The following MMP21 variants were observed in gnomAD, a reference collection of about 807,000 sequenced individuals.
MMP21 encodes matrix metallopeptidase 21.
MMP21 carries 40 observed loss-of-function variants against 47.8 expected under a neutral mutation model. The observed-to-expected ratio is 0.84, with a 90% CI of 0.65 to 1.09. The LOEUF (loss-of-function observed/expected upper bound fraction) is 1.09. Among genes scored for constraint, MMP21 ranks in the 50% least tolerant of loss-of-function variants. The probability of loss-of-function intolerance (pLI) is 0.00; values close to 1 mark genes in which losing one functional copy is unlikely to be tolerated. For missense variants in MMP21, 747 were observed against 775.3 expected (o/e 0.96, Z 0.43); for synonymous variants, 341 against 318.0 (o/e 1.07, Z -0.77).
rs991866203 is a variant in MMP21 at position 125,770,468 on chromosome 10, T to C, written c.1103A>G (p.Glu368Gly). 8 of 1,614,192 alleles carry C rather than the reference T, an allele frequency of 5.0e-6. No individual in the cohort carries two copies. The highest frequency in any genetic ancestry group is 6.8e-6 in the Non-Finnish European group (8 of 1,180,042). The change falls in exon 5 of 7, where the codon GAA becomes GGA. Residue 368 changes from glutamate to glycine, a missense_variant. Transcript: ENST00000368808. ...FFRNSWYWLY[E>G]NRNNRTRYGD... ...ATAGCGTGTCCTATTGTTTCGATTTTCATAAAGCCAGTACCAGCTGTTACG... is the reference window on the plus strand; with the variant it reads ...ATAGCGTGTCCTATTGTTTCGATTTCCATAAAGCCAGTACCAGCTGTTACG...
chr10:125,775,749 C>A lies in MMP21; in HGVS notation c.73G>T (p.Glu25Ter). The change falls in exon 1 of 7, where the codon GAG becomes TAG. Residue 25 changes from glutamate to a stop codon, truncating the protein, a stop_gained. Transcript: ENST00000368808. LOFTEE classifies it high-confidence loss of function. The stretch of plus-strand genomic sequence containing the variant: ...CGGTCCCGGCTGTGGAAGAGACTCT[C>A]GGGCTGGGTGGGCCAGGGAGCAGCC... The part of the protein sequence containing the change: ...WLAAPWPTQP[E>*]SLFHSRDRSD... The A allele has an allele frequency of 1.2e-6, 2 of 1,613,594 alleles. No individual in the cohort carries two copies. Among genetic ancestry groups the A allele is most frequent in the Non-Finnish European group, 1.7e-6 (2 of 1,179,792 alleles).
rs1352982503 is a variant in MMP21, at chr10:125,772,019, G to A, written c.979+199C>T. On this transcript the variant is annotated intron_variant, in intron 4 of 6. Coordinates refer to ENST00000368808, the MANE Select transcript of MMP21 (RefSeq NM_147191.1). The surrounding 1 kb of genome is among the most constrained non-coding windows in gnomAD (Gnocchi z 5.6). ...GTGAGAGAGGACACAGGAGGGACTG[G>A]CTGTCGACTGGGCAAAACCACTTTT... Among the ~76,000 whole-genome samples, 1 of 152,166 alleles carries A rather than the reference G, an allele frequency of 6.6e-6. No individual in the cohort carries two copies. Among genetic ancestry groups the A allele is most frequent in the Non-Finnish European group, 1.5e-5 (1 of 68,032 alleles).
At position 125,774,186 on chromosome 10, in the gene MMP21, C is replaced by A; in HGVS notation, c.342G>T (p.Arg114=). The stretch of plus-strand genomic sequence containing the variant: ...GCATGTCCGGGACCCCGCAGCGCGG[C>A]CGGTTCATGGCCGCTAGGGTGGCCG... ...LDAATLAAMN[R]PRCGVPDMRP... Residue 114 remains arginine (R), a synonymous_variant, in exon 2 of 7, where the codon CGG becomes CGT. Coordinates refer to ENST00000368808, the MANE Select transcript of MMP21 (RefSeq NM_147191.1). The A allele has an allele frequency of 7.8e-7, 1 of 1,278,636 alleles. No individual in the cohort carries two copies. Among genetic ancestry groups the A allele is most frequent in the Admixed American group, 4.3e-5 (1 of 23,326 alleles). 79.2% of individuals were successfully genotyped at this position (1,278,636 alleles called of 1,614,324 possible). A position where few individuals can be genotyped will look rare whatever the true frequency, so the allele number is the denominator to read the frequency against.
At position 125,774,481 on chromosome 10, in the gene MMP21, A is replaced by T. The variant is rs566576359; in HGVS notation, c.163-116T>A. On this transcript the variant is annotated intron_variant, in intron 1 of 6. Transcript: ENST00000368808. ...GGGGATAGAGACAGAGACAGAGAGA[A>T]GCAGAGAGACAGACAGGGAGAAACA... The T allele has an allele frequency of 2.5e-4, 162 of 640,862 alleles. 3 individuals are homozygous for T. The South Asian group carries it at 8.0e-3, about 31-fold the overall frequency. 39.7% of individuals were successfully genotyped at this position (640,862 alleles called of 1,614,324 possible). A position where few individuals can be genotyped will look rare whatever the true frequency, so the allele number is the denominator to read the frequency against.
rs1414228395 is a variant in MMP21, at chr10:125,772,174, A to G, written c.979+44T>C. On this transcript the variant is annotated intron_variant, in intron 4 of 6. Coordinates refer to ENST00000368808, the MANE Select transcript of MMP21 (RefSeq NM_147191.1). The surrounding 1 kb of genome is among the most constrained non-coding windows in gnomAD (Gnocchi z 5.6). The stretch of plus-strand genomic sequence containing the variant: ...GGGGTCCTACAGTGCTCTGGAATAC[A>G]GTGTCCTCCGCTAGCTCAGGGATGC... 6.2e-7 allele frequency: 1 copy of G among 1,610,188 alleles called. No individual in the cohort carries two copies. The highest frequency in any genetic ancestry group is 8.5e-7 in the Non-Finnish European group (1 of 1,177,378).
intron 6 of MMP21, 86 bp downstream of exon 6, chr10:125,767,446 C>T: frequency 1.5e-6 from 2 of 1,344,986 alleles, no homozygotes; most frequent in Admixed American, 2.2e-5. Flanking sequence ...AGGCCAAGTA[C>T]AGCTTTTAAA....
Position 125,772,830 on chromosome 10 carries a change from C to T in MMP21, c.698-80G>A. ...GACTCCTCACCTAGGGGGTCCCCAG[C>T]CTCCAGGAGCCGGCAGCAGAGGTAG... is the stretch of plus-strand genomic sequence containing the variant. On this transcript the variant is annotated intron_variant, in intron 2 of 6. Coordinates refer to ENST00000368808, the MANE Select transcript of MMP21 (RefSeq NM_147191.1). The surrounding 1 kb of genome is among the most constrained non-coding windows in gnomAD (Gnocchi z 5.6). 1 of 1,517,354 alleles carries T rather than the reference C, an allele frequency of 6.6e-7. No homozygotes were observed. The highest frequency in any genetic ancestry group is 1.2e-5 in the South Asian group (1 of 85,014). 94.0% of individuals were successfully genotyped at this position (1,517,354 alleles called of 1,614,324 possible). A position where few individuals can be genotyped will look rare whatever the true frequency, so the allele number is the denominator to read the frequency against.
At position 125,772,083 on chromosome 10, in the gene MMP21, A is replaced by G; in HGVS notation, c.979+135T>C. The G allele has an allele frequency of 9.3e-7, 1 of 1,075,664 alleles. No homozygotes were observed. Among genetic ancestry groups the G allele is most frequent in the South Asian group, 1.5e-5 (1 of 65,028 alleles). 66.6% of individuals were successfully genotyped at this position (1,075,664 alleles called of 1,614,324 possible). Reference sequence around the variant, plus strand: ...GGCATCAGGGAGCTAGAGGGTGGCTACCCTTGGGTGACATGAGTTGTACAA... The same window carrying G: ...GGCATCAGGGAGCTAGAGGGTGGCTGCCCTTGGGTGACATGAGTTGTACAA... On this transcript the variant is annotated intron_variant, in intron 4 of 6. Transcript: ENST00000368808. This position sits in a 1 kb window ranked among gnomAD's most constrained non-coding sequence, Gnocchi z 5.6.
rs1364131521 is a variant in MMP21 at position 125,774,381 on chromosome 10, G to T, written c.163-16C>A. On this transcript the variant is annotated splice_polypyrimidine_tract_variant and intron_variant, in intron 1 of 6. Transcript: ENST00000368808. ...ACAGGAACCGCTGTGGGAGAGAAAG[G>T]CACCCTAATCTGGGCCGCCTCGCTC... 6.8e-6 allele frequency: 9 copies of T among 1,332,138 alleles called. No homozygotes were observed. The highest frequency in any genetic ancestry group is 1.5e-5 in the African/African-American group (1 of 64,992). 82.5% of individuals were successfully genotyped at this position (1,332,138 alleles called of 1,614,324 possible). A position where few individuals can be genotyped will look rare whatever the true frequency, so the allele number is the denominator to read the frequency against.
chr10:125,771,912 G>A (rs1429402591), intron 4 of MMP21, among the ~76,000 whole-genome samples: 1 of 152,120 alleles, frequency 6.6e-6, no homozygotes, highest in Non-Finnish European at 1.5e-5. Context: ...CGTCTCTGGT[G>A]GGATGCCACA....
rs150320323 is a variant in MMP21 at position 125,770,349 on chromosome 10, G to C, written c.1222C>G (p.Arg408Gly). 3.7e-6 allele frequency: 6 copies of C among 1,613,970 alleles called. No homozygotes were observed. Among genetic ancestry groups the C allele is most frequent in the Non-Finnish European group, 5.1e-6 (6 of 1,179,938 alleles). Residue 408 changes from arginine (R) to glycine (G), a missense_variant, in exon 5 of 7, where the codon CGT becomes GGT. Coordinates refer to ENST00000368808, the MANE Select transcript of MMP21 (RefSeq NM_147191.1). ...GAATCTGTACCTTGAAAAAAATAACGTTCATCTCTTTTCCATGTCCAGATG... is the reference window on the plus strand; with the variant it reads ...GAATCTGTACCTTGAAAAAAATAACCTTCATCTCTTTTCCATGTCCAGATG... ...VHIWTWKRDE[R>G]YFFQGNQYWR...
chr10:125,766,510 C>G lies in MMP21; in HGVS notation c.*152G>C. ...TTTGCCTGAGCAATTGTTTTTAAAT[C>G]AAGTATTTTAAAAGTTCAACTAAGG... On this transcript the variant is annotated 3_prime_UTR_variant, in exon 7 of 7. Transcript: ENST00000368808. 8 of 582,254 alleles carry G rather than the reference C, an allele frequency of 1.4e-5. No individual in the cohort carries two copies. Among genetic ancestry groups the G allele is most frequent in the Non-Finnish European group, 2.3e-5 (8 of 352,420 alleles). 36.1% of individuals were successfully genotyped at this position (582,254 alleles called of 1,614,324 possible). A position where few individuals can be genotyped will look rare whatever the true frequency, so the allele number is the denominator to read the frequency against.
chr10:125,772,403 G>T lies in MMP21; in HGVS notation c.838-44C>A. On this transcript the variant is annotated intron_variant, in intron 3 of 6. Coordinates refer to ENST00000368808, the MANE Select transcript of MMP21 (RefSeq NM_147191.1). This position sits in a 1 kb window ranked among gnomAD's most constrained non-coding sequence, Gnocchi z 5.6. ...CATGGGTGCTGGGTGAAGCCTGGGCGATGGATCCCTGCATAACAGACGCAG... is the reference window on the plus strand; with the variant it reads ...CATGGGTGCTGGGTGAAGCCTGGGCTATGGATCCCTGCATAACAGACGCAG... 6.2e-7 allele frequency: 1 copy of T among 1,611,610 alleles called. No individual in the cohort carries two copies. The highest frequency in any genetic ancestry group is 8.5e-7 in the Non-Finnish European group (1 of 1,178,790).
Position 125,766,608 on chromosome 10 carries a change from C to A in MMP21, c.*54G>T. On this transcript the variant is annotated 3_prime_UTR_variant, in exon 7 of 7. Transcript: ENST00000368808. ...CTGAAAATCCGGTTTTCTTTGTAAACAGTATCAGAATTTTAGCGAAGTCCT... is the reference window on the plus strand; with the variant it reads ...CTGAAAATCCGGTTTTCTTTGTAAAAAGTATCAGAATTTTAGCGAAGTCCT... 1 of 1,432,230 alleles carries A rather than the reference C, an allele frequency of 7.0e-7. No individual in the cohort carries two copies. The highest frequency in any genetic ancestry group is 1.5e-5 in the South Asian group (1 of 66,992). 88.7% of individuals were successfully genotyped at this position (1,432,230 alleles called of 1,614,324 possible). A position where few individuals can be genotyped will look rare whatever the true frequency, so the allele number is the denominator to read the frequency against.
Position 125,775,749 on chromosome 10 carries a change from C to T in MMP21, c.73G>A (p.Glu25Lys), listed in dbSNP as rs1850509957. The change falls in exon 1 of 7, where the codon GAG (glutamate) becomes AAG (lysine). Residue 25 changes from glutamate to lysine, a missense_variant. Physicochemically the swap from Glu to Lys is moderately conservative, Grantham distance 56 (BLOSUM62 1). Coordinates refer to ENST00000368808, the MANE Select transcript of MMP21 (RefSeq NM_147191.1). ...WLAAPWPTQPESLFHSRDRSD... is the reference protein window; with the variant it reads ...WLAAPWPTQPKSLFHSRDRSD... ...CGGTCCCGGCTGTGGAAGAGACTCT[C>T]GGGCTGGGTGGGCCAGGGAGCAGCC... The T allele has an allele frequency of 6.2e-7, 1 of 1,613,594 alleles. No homozygotes were observed. Among genetic ancestry groups the T allele is most frequent in the Non-Finnish European group, 8.5e-7 (1 of 1,179,792 alleles).
In MMP21 at chr10:125,772,759, G is replaced by A; in HGVS notation, c.698-9C>T. ...ACAGCCCAGGTGCCGGCCTGGCGAG[G>A]GGGAGGAGGAGTTGGTCCCGGTGAA... On this transcript the variant is annotated splice_polypyrimidine_tract_variant and intron_variant, in intron 2 of 6. Transcript: ENST00000368808. The surrounding 1 kb of genome is among the most constrained non-coding windows in gnomAD (Gnocchi z 5.6). The A allele has an allele frequency of 2.5e-6, 4 of 1,611,124 alleles. No individual in the cohort carries two copies. Among genetic ancestry groups the A allele is most frequent in the Non-Finnish European group, 3.4e-6 (4 of 1,178,484 alleles).
In MMP21 at chr10:125,773,529, T is replaced by C. The variant is rs1850476601; in HGVS notation, c.697+302A>G. On this transcript the variant is annotated intron_variant, in intron 2 of 6. Transcript: ENST00000368808. The surrounding 1 kb of genome is among the most constrained non-coding windows in gnomAD (Gnocchi z 4.8). The stretch of plus-strand genomic sequence containing the variant: ...TCCTGAGACCCCAGCTGCTGCTCCC[T>C]AGGGAAGCTGGAGGCACAGGCAGGG... Among the ~76,000 whole-genome samples the C allele has an allele frequency of 6.6e-6, 1 of 152,092 alleles. No individual in the cohort carries two copies. The highest frequency in any genetic ancestry group is 2.4e-5 in the African/African-American group (1 of 41,428).
chr10:125,767,561 T>C lies in MMP21; in HGVS notation c.1381A>G (p.Lys461Glu), dbSNP rs142532761. The change falls in exon 6 of 7, where the codon AAG becomes GAG. Residue 461 changes from lysine (K) to glutamate (E), a missense_variant. Lys to Glu is a moderately conservative substitution (Grantham distance 56). Transcript: ENST00000368808. ...LDTAFYDRRQ[K>E]LIYFFKESLV... is the part of the protein sequence containing the mutation. ...GACTCCTTGAAGAAGTAAATTAACT[T>C]CTGTCTTCGGTCATAAAACGCCGTG... 990 of 1,614,126 alleles carry C rather than the reference T, an allele frequency of 6.1e-4. 10 individuals are homozygous for C. The East Asian group carries it at 0.018, about 29-fold the overall frequency.
chr10:125,767,894 C>A (rs1347475595), intron 5 of MMP21, among the ~76,000 whole-genome samples, 190 bp from the exon 6 acceptor site: 1 of 152,190 alleles, frequency 6.6e-6, no homozygotes, highest in African/African-American at 2.4e-5. Context: ...ATTACTCTTA[C>A]ATTTAACCCA....
Sources: allele counts gnomAD v4.1 joint callset (sites outside exome capture counted in the v4.1 genomes callset), GRCh38; gene constraint gnomAD v4.1.1; non-coding constraint Gnocchi (gnomAD v3.1); transcripts MANE v1.5; gene names NCBI Gene and HGNC (gene_info 2026-07-23, HGNC 2026-07-21).